GALNT17: variants seen among roughly 807,000 people sequenced by gnomAD.
GALNT17 encodes the protein UDP-GalNAc:polypeptide N-acetylgalactosaminyltransferase-like 3.
In GALNT17, 29 loss-of-function variants were observed where a neutral mutation model predicts 63.7. The ratio of observed to expected loss-of-function variants is 0.46; its 90% CI spans 0.34 to 0.62. The LOEUF is 0.62. Among genes scored for constraint, GALNT17 ranks in the 20% least tolerant of loss-of-function variants. GALNT17 has a pLI of 0.01. For missense variants in GALNT17, 603 were observed against 799.6 expected (o/e 0.75, Z 2.97); for synonymous variants, 305 against 318.3 (o/e 0.96, Z 0.45).
intron 5 of GALNT17, among the ~76,000 whole-genome samples, chr7:71,433,879 G>A (rs1482278316): frequency 6.6e-6 from 1 of 152,148 alleles, no homozygotes; most frequent in African/African-American, 2.4e-5. Flanking sequence ...CACTGGACTG[G>A]GAGAGGCAGA....
intron 5 of GALNT17, among the ~76,000 whole-genome samples, chr7:71,555,724 A>T (rs1307860077): frequency 6.6e-6 from 1 of 151,896 alleles, no homozygotes; most frequent in East Asian, 1.9e-4. Flanking sequence ...AACACAGGCA[A>T]GTTTTCAAGA....
Position 71,201,239 on chromosome 7 carries a change from T to TA in GALNT17, c.238+68199_238+68200insA, listed in dbSNP as rs1554338078. Reference sequence around the variant, plus strand: ...TTTGTATGGGGGTGTGTGTGTTTATTTTTATATATATATATATAATTTGTG... The same window carrying TA: ...TTTGTATGGGGGTGTGTGTGTTTATTATTTATATATATATATATAATTTGTG... On this transcript the variant is annotated intron_variant, in intron 1 of 10. Transcript: ENST00000333538. 1.1e-3 allele frequency among the ~76,000 whole-genome samples: 113 copies of TA among 101,624 alleles called. 3 individuals carry two copies. The highest frequency in any genetic ancestry group is 3.9e-3 in the African/African-American group (102 of 26,216). The allele number at this position is 101,624 out of a possible 152,430, so 66.7% of individuals were successfully genotyped here.
At chr7:71,369,811 C>CAAAAAAAAA (rs763387719) in intron 2 of GALNT17, among the ~76,000 whole-genome samples, 1 of 72,132 alleles carries the variant, frequency 1.4e-5, no homozygotes, top group Non-Finnish European at 3.0e-5. Context: ...GGCTTTTTGT[C>CAAAAAAAAA]AAAAAAAAAA....
intron 3 of GALNT17, among the ~76,000 whole-genome samples, chr7:71,401,567 T>A (rs1230689047): frequency 6.6e-6 from 1 of 152,120 alleles, no homozygotes; most frequent in African/African-American, 2.4e-5. Flanking sequence ...GAGCAAAACT[T>A]CGTCTGTATT....
chr7:71,239,734 A>G (rs1789960097), intron 1 of GALNT17, among the ~76,000 whole-genome samples: 1 of 152,208 alleles, frequency 6.6e-6, no homozygotes, highest in East Asian at 1.9e-4. Flanking sequence ...AAGTAGGGAC[A>G]CAGACAAGCT....
intron 6 of GALNT17, among the ~76,000 whole-genome samples, chr7:71,596,301 G>A (rs1789886141): frequency 6.6e-6 from 1 of 152,106 alleles, no homozygotes; most frequent in Non-Finnish European, 1.5e-5. Context: ...GCCTCCCAAA[G>A]TGCTGGGATT....
rs768189844 is a variant in GALNT17, at chr7:71,148,860, T to TTTTATA, written c.238+15821_238+15822insTTATAT. On this transcript the variant is annotated intron_variant, in intron 1 of 10. Transcript: ENST00000333538. ...GAAATACAGTAGTATTATGGTATTT[T>TTTTATA]TATATATATATATATATATATATAT... Among the ~76,000 whole-genome samples, 7 of 103,270 alleles carry TTTTATA rather than the reference T, an allele frequency of 6.8e-5. No individual in the cohort carries two copies. In the East Asian group the frequency reaches 1.1e-3, roughly 17 times the overall value. The allele number at this position is 103,270 out of a possible 152,430, so 67.7% of individuals were successfully genotyped here.
intron 5 of GALNT17, among the ~76,000 whole-genome samples, chr7:71,433,026 G>C (rs768640065): frequency 2.6e-5 from 4 of 152,168 alleles, no homozygotes; most frequent in Non-Finnish European, 5.9e-5. Context: ...GGCCAGGCTG[G>C]TCTCCACACC....
chr7:71,515,828 GT>G (rs1396967277), intron 5 of GALNT17, among the ~76,000 whole-genome samples: 1 of 151,864 alleles, frequency 6.6e-6, no homozygotes, highest in African/African-American at 2.4e-5. Flanking sequence ...TGGGACCTGT[GT>G]TTTTTCCAAA....
intron 2 of GALNT17, among the ~76,000 whole-genome samples, chr7:71,360,276 G>A (rs529086835): frequency 1.3e-5 from 2 of 152,244 alleles, no homozygotes; most frequent in East Asian, 1.9e-4. Context: ...TCATTCATCC[G>A]ATCGACCAGA....
At chr7:71,414,293 A>G (rs1793485164) in intron 3 of GALNT17, among the ~76,000 whole-genome samples, 1 of 152,220 alleles carries the variant, frequency 6.6e-6, no homozygotes, top group Non-Finnish European at 1.5e-5. Context: ...TTAGAAAGAC[A>G]ATCTGTTGTT....
intron 5 of GALNT17, among the ~76,000 whole-genome samples, chr7:71,567,624 C>T (rs1789371273): frequency 6.6e-6 from 1 of 152,162 alleles, no homozygotes; most frequent in African/African-American, 2.4e-5. Flanking sequence ...ACCACCACGC[C>T]CAGCTAATTT....
chr7:71,482,548 C>T lies in GALNT17; in HGVS notation c.962+61443C>T, dbSNP rs146905677. On this transcript the variant is annotated intron_variant, in intron 5 of 10. Transcript: ENST00000333538. ...CAACCCTAAGTGGCCTAGCCTATTA[C>T]ACTCCTAGCCTGTATGGTAAAGCGT... 2.7e-4 allele frequency among the ~76,000 whole-genome samples: 41 copies of T among 152,318 alleles called. No individual in the cohort carries two copies. In the East Asian group the frequency reaches 7.7e-3, roughly 29 times the overall value.
At chr7:71,134,237 G>C (rs1291213847) in intron 1 of GALNT17, among the ~76,000 whole-genome samples, 1 of 152,218 alleles carries the variant, frequency 6.6e-6, no homozygotes, top group Non-Finnish European at 1.5e-5. Flanking sequence ...CACAGAGCCT[G>C]TGCGCTTGAC....
At chr7:71,693,429 A>T (rs897797393) in intron 9 of GALNT17, among the ~76,000 whole-genome samples, 8 of 151,714 alleles carry the variant, frequency 5.3e-5, no homozygotes, top group Admixed American at 1.3e-4. Flanking sequence ...AGACTGGATT[A>T]AAAAAATGTG....
Position 71,506,666 on chromosome 7 carries a change from T to C in GALNT17, c.963-64619T>C, listed in dbSNP as rs533333737. 5.3e-5 allele frequency among the ~76,000 whole-genome samples: 8 copies of C among 152,342 alleles called. No individual in the cohort carries two copies. In the South Asian group the frequency reaches 8.3e-4, roughly 16 times the overall value. Reference sequence around the variant, plus strand: ...CATAGAGATGTTTCAATACATGCAATATGTAGTAATCAAATCAGGGTAGTT... The same window carrying C: ...CATAGAGATGTTTCAATACATGCAACATGTAGTAATCAAATCAGGGTAGTT... On this transcript the variant is annotated intron_variant, in intron 5 of 10. Coordinates refer to ENST00000333538, the MANE Select transcript of GALNT17 (RefSeq NM_022479.3).
intron 2 of GALNT17, among the ~76,000 whole-genome samples, chr7:71,383,616 C>T (rs143789186): frequency 1.7e-3 from 254 of 152,046 alleles, no homozygotes; most frequent in Non-Finnish European, 2.9e-3. Flanking sequence ...TTTTTACTTT[C>T]AGAGATGGGG....
chr7:71,208,418 T>TTATATTGTA (rs1283466704), intron 1 of GALNT17, among the ~76,000 whole-genome samples: 1 of 151,766 alleles, frequency 6.6e-6, no homozygotes, highest in East Asian at 1.9e-4. Context: ...GGCATAGCCT[T>TTATATTGTA]TATATTGTAT....
At chr7:71,617,323 T>C (rs1286492345) in intron 6 of GALNT17, among the ~76,000 whole-genome samples, 32 of 143,174 alleles carry the variant, frequency 2.2e-4, no homozygotes, top group Non-Finnish European at 1.1e-4. Context: ...GGGGGGTTGG[T>C]TTTTTTGTTT....
Sources: allele counts gnomAD v4.1 joint callset (sites outside exome capture counted in the v4.1 genomes callset), GRCh38; gene constraint gnomAD v4.1.1; transcripts MANE v1.5; gene names NCBI Gene and HGNC (gene_info 2026-07-23, HGNC 2026-07-21).